The following CUL2 variants were observed in gnomAD, a reference collection of about 807,000 sequenced individuals.
CUL2 encodes cullin-2.
In CUL2, 22 loss-of-function variants were observed where a neutral mutation model predicts 110.2. The ratio of observed to expected loss-of-function variants is 0.20; its 90% confidence interval spans 0.14 to 0.28. The LOEUF (loss-of-function observed/expected upper bound fraction) is 0.28, where lower values mean the gene tolerates loss of function less well. Ranked by LOEUF, CUL2 falls within the 10% of genes least tolerant of loss-of-function variation. CUL2 has a pLI of 1.00. For synonymous variants in CUL2, 279 were observed against 293.2 expected, an observed-to-expected ratio of 0.95 and a Z score of 0.49; for missense variants, 631 against 905.5, an observed-to-expected ratio of 0.70 and a Z score of 3.89.
chr10:35,063,674 G>T (rs187441951), intron 2 of CUL2, among the ~76,000 whole-genome samples: 147 of 151,198 alleles, frequency 9.7e-4, no homozygotes, highest in African/African-American at 3.4e-3. Flanking sequence ...GTGGAAAGAA[G>T]TAAGACCTGA....
chr10:35,014,375 T>C (rs568756968), intron 18 of CUL2, among the ~76,000 whole-genome samples: 1 of 152,318 alleles, frequency 6.6e-6, no homozygotes, highest in South Asian at 2.1e-4. Context: ...AGGGGAAAAC[T>C]GTTTAGGCAA....
Position 35,009,288 on chromosome 10 carries a change from A to G in CUL2, c.*1023T>C, listed in dbSNP as rs2084841604. 6.6e-6 allele frequency: 1 copy of G among 151,086 alleles called. No homozygotes were observed. The highest frequency in any genetic ancestry group is 6.6e-5 in the Admixed American group (1 of 15,112). The allele number at this position is 151,086 out of a possible 1,614,324, so 9.4% of individuals were successfully genotyped here. ...ACAATGTACAATTTTCTTTTTTAAA[A>G]AAGTATTTAGGTTATGCATTGCTAA... On this transcript the variant is annotated 3_prime_UTR_variant, in exon 21 of 21. Coordinates refer to ENST00000374749, the MANE Select transcript of CUL2 (RefSeq NM_003591.4).
chr10:35,081,128 G>T (rs907775656), intron 1 of CUL2, among the ~76,000 whole-genome samples: 1 of 152,092 alleles, frequency 6.6e-6, no homozygotes, highest in African/African-American at 2.4e-5. Context: ...GGAGGCTAAG[G>T]TGGGAGCTTG....
At chr10:35,074,267 A>G in intron 1 of CUL2, 1 of 1,465,672 alleles carries the variant, frequency 6.8e-7, no homozygotes. Flanking sequence ...GACAGCATTC[A>G]GTTTGGGCTC....
chr10:35,021,831 C>CGAGGTGAGGCGAGGT (rs1554853873), intron 17 of CUL2, among the ~76,000 whole-genome samples: 9 of 66,380 alleles, frequency 1.4e-4, no homozygotes, highest in Admixed American at 1.8e-4. Context: ...TGAGGTGAGG[C>CGAGGTGAGGCGAGGT]GAGGTGAGGT....
chr10:35,071,123 A>T, intron 2 of CUL2, 76 bp downstream of exon 2: 1 of 1,412,240 alleles, frequency 7.1e-7, no homozygotes, highest in Admixed American at 2.0e-5. Flanking sequence ...GTTCTTCCAT[A>T]ACATTGAACA....
chr10:35,105,826 G>GAA (rs112118504), intron 1 of CUL2, among the ~76,000 whole-genome samples: 1 of 139,328 alleles, frequency 7.2e-6, no homozygotes, highest in African/African-American at 2.7e-5. Context: ...GCAATGTCCT[G>GAA]AAAAAAAAAA....
chr10:35,075,635 A>AC (rs2086796320), intron 1 of CUL2, among the ~76,000 whole-genome samples: 1 of 140,894 alleles, frequency 7.1e-6, no homozygotes, highest in Non-Finnish European at 1.5e-5. Flanking sequence ...TGGGCCCTAA[A>AC]ACACACACAC....
chr10:35,029,636 G>T lies in CUL2; in HGVS notation c.1391C>A (p.Ala464Asp). 6.3e-7 allele frequency: 1 copy of T among 1,580,300 alleles called. No individual in the cohort carries two copies. The highest frequency in any genetic ancestry group is 8.5e-7 in the Non-Finnish European group (1 of 1,169,716). The part of the protein sequence containing the change: ...EEAMINKLKQ[A>D]CGYEFTSKLH... Reference sequence around the variant, plus strand: ...CTTGCTGGTAAACTCATAACCACAGGCTTGCTATAAAAAAGTTTTAGAAAA... The same window carrying T: ...CTTGCTGGTAAACTCATAACCACAGTCTTGCTATAAAAAAGTTTTAGAAAA... Residue 464 changes from alanine (A) to aspartate (D), a missense_variant, in exon 15 of 21, where the codon GCC (alanine) becomes GAC (aspartate). Transcript: ENST00000374749.
chr10:35,076,883 T>C (rs1274724644), intron 1 of CUL2, among the ~76,000 whole-genome samples: 1 of 152,066 alleles, frequency 6.6e-6, no homozygotes, highest in Non-Finnish European at 1.5e-5. Context: ...ACCCCATCTC[T>C]ACTAAAAATA....
At chr10:35,052,197 C>A (rs1475902437) in intron 5 of CUL2, among the ~76,000 whole-genome samples, 1 of 152,130 alleles carries the variant, frequency 6.6e-6, no homozygotes, top group African/African-American at 2.4e-5. Context: ...TTATTCTGAT[C>A]CATTGGTAAT....
chr10:35,027,067 C>A (rs957841944), intron 16 of CUL2, among the ~76,000 whole-genome samples: 1 of 151,198 alleles, frequency 6.6e-6, no homozygotes, highest in Non-Finnish European at 1.5e-5. Flanking sequence ...TTAATTAGAT[C>A]TCAAAGAGCC....
intron 12 of CUL2, 142 bp downstream of exon 12, chr10:35,032,293 G>A: frequency 1.5e-6 from 1 of 670,836 alleles, no homozygotes; most frequent in Non-Finnish European, 2.5e-6. Context: ...TTACATAAAT[G>A]CCAAACTATA....
rs539069885 is a variant in CUL2, at chr10:35,050,978, C to A, written c.424-1213G>T. Among the ~76,000 whole-genome samples, 7 of 152,342 alleles carry A rather than the reference C, an allele frequency of 4.6e-5. No individual in the cohort carries two copies. The South Asian group carries it at 8.3e-4, about 18-fold the overall frequency. ...TCCCCATCCTTGACAACAAGTGGTA[C>A]TGCCAGGCTTTAGTCAAATTTTGCC... On this transcript the variant is annotated intron_variant, in intron 5 of 20. Coordinates refer to ENST00000374749, the MANE Select transcript of CUL2 (RefSeq NM_003591.4).
Position 35,035,188 on chromosome 10 carries a change from T to C in CUL2, c.986A>G (p.Asn329Ser), listed in dbSNP as rs137988188. Reference protein sequence around the residue: ...IHDEGLRATSNLTQENMPTLF... With the variant: ...IHDEGLRATSSLTQENMPTLF... The stretch of plus-strand genomic sequence containing the variant: ...ACAACTCACGTTTTCCTGAGTAAGG[T>C]TGCTGGTTGCTCGAAGGCCCTCATC... Residue 329 changes from asparagine to serine, a missense_variant, in exon 10 of 21, where the codon AAC becomes AGC. By Grantham distance (46) the Asn-to-Ser change is conservative. This residue lies in a region of CUL2 where 338 missense variants were observed against 442.5 expected (regional missense o/e 0.76). Coordinates refer to ENST00000374749, the MANE Select transcript of CUL2 (RefSeq NM_003591.4). 21 of 1,614,068 alleles carry C rather than the reference T, an allele frequency of 1.3e-5. No individual in the cohort carries two copies. Among genetic ancestry groups the C allele is most frequent in the African/African-American group, 1.1e-4 (8 of 74,928 alleles).
intron 2 of CUL2, among the ~76,000 whole-genome samples, chr10:35,067,421 CA>C (rs1209019275): frequency 5.9e-5 from 9 of 152,054 alleles, no homozygotes; most frequent in Non-Finnish European, 1.2e-4. Context: ...GGGCCAGGTA[CA>C]GTCTTTCTAT....
At chr10:35,109,207 A>C (rs1460463598) in intron 1 of CUL2, among the ~76,000 whole-genome samples, 1 of 152,206 alleles carries the variant, frequency 6.6e-6, no homozygotes, top group Non-Finnish European at 1.5e-5. Context: ...AAACATTTAA[A>C]AAATGTTTAG....
intron 4 of CUL2, among the ~76,000 whole-genome samples, chr10:35,057,466 C>A (rs547297756): frequency 8.4e-4 from 127 of 151,792 alleles, no homozygotes; most frequent in Non-Finnish European, 1.6e-3. Flanking sequence ...GTCTGGCCAA[C>A]ATGGTGAAAC....
At chr10:35,112,806 C>T (rs754395910) in intron 1 of CUL2, among the ~76,000 whole-genome samples, 1 of 152,094 alleles carries the variant, frequency 6.6e-6, no homozygotes, top group African/African-American at 2.4e-5. Context: ...CAAAATAGAT[C>T]AAGATTAAAG....
Sources: gnomAD v4.1 joint callset for allele counts (sites outside exome capture counted in the v4.1 genomes callset) on GRCh38, gnomAD v4.1.1 for gene constraint, gnomAD v4.1.1 regional missense constraint, MANE v1.5 for transcripts, NCBI Gene and HGNC (gene_info 2026-07-23, HGNC 2026-07-21) for gene names.